CDH12: variants seen among roughly 807,000 people sequenced by gnomAD.
CDH12 encodes the protein cadherin-12.
CDH12 carries 41 observed loss-of-function variants against 74.1 expected under a neutral mutation model. That is an observed-to-expected ratio of 0.55 (90% CI 0.43 to 0.72). The LOEUF (loss-of-function observed/expected upper bound fraction) is 0.72. Ranked by LOEUF, CDH12 falls within the 30% of genes least tolerant of loss-of-function variation. CDH12 has a pLI of 0.00. For synonymous variants in CDH12, 399 were observed against 355.0 expected (o/e 1.12, Z -1.39); for missense variants, 945 against 977.2 (o/e 0.97, Z 0.44).
At chr5:22,213,709 C>T (rs1751680261) in intron 3 of CDH12, 3 of 152,212 alleles carry the variant, frequency 2.0e-5, no homozygotes, top group Non-Finnish European at 4.4e-5. Flanking sequence ...TTTGACAGCT[C>T]TCACTTTTGC....
intron 1 of CDH12, among the ~76,000 whole-genome samples, chr5:22,759,286 C>T (rs1173179049): frequency 2.0e-5 from 3 of 152,076 alleles, no homozygotes; most frequent in East Asian, 3.9e-4. Flanking sequence ...TTATTCTTAC[C>T]TTATTCTTCA....
intron 6 of CDH12, chr5:21,882,691 T>C (rs549048100): frequency 1.3e-6 from 2 of 1,575,030 alleles, no homozygotes; most frequent in Non-Finnish European, 1.7e-6. Flanking sequence ...TTGGTGCAGA[T>C]GCCCGAGCCT....
At chr5:21,795,727 A>G (rs978073451) in intron 10 of CDH12, among the ~76,000 whole-genome samples, 2 of 152,032 alleles carry the variant, frequency 1.3e-5, no homozygotes, top group Admixed American at 1.3e-4. Flanking sequence ...ATACTGCTAT[A>G]GAATGTCACA....
intron 9 of CDH12, among the ~76,000 whole-genome samples, chr5:21,814,869 G>GTCT (rs1747956282): frequency 6.6e-6 from 1 of 151,064 alleles, no homozygotes; most frequent in Non-Finnish European, 1.5e-5. Flanking sequence ...ACCTTCTTAG[G>GTCT]GAAAAAATTA....
rs536463095 is a variant in CDH12, at chr5:22,380,612, G to A, written c.-333+24645C>T. On this transcript the variant is annotated intron_variant, in intron 3 of 14. Transcript: ENST00000382254. ...TAGGCATATATGTTAAAAACTACACGCATTTTCTTAAAACTAAGTTTATTA... is the reference window on the plus strand; with the variant it reads ...TAGGCATATATGTTAAAAACTACACACATTTTCTTAAAACTAAGTTTATTA... 9.9e-5 allele frequency among the ~76,000 whole-genome samples: 15 copies of A among 151,826 alleles called. No homozygotes were observed. The East Asian group carries it at 1.9e-3, about 20-fold the overall frequency.
chr5:21,969,333 G>A (rs1284232798), intron 6 of CDH12, among the ~76,000 whole-genome samples: 3 of 152,082 alleles, frequency 2.0e-5, no homozygotes, highest in East Asian at 1.9e-4. Flanking sequence ...TATAGACAGT[G>A]GTAGGTAGAC....
chr5:22,770,873 A>T (rs563989641), intron 1 of CDH12, among the ~76,000 whole-genome samples: 1 of 152,202 alleles, frequency 6.6e-6, no homozygotes, highest in East Asian at 1.9e-4. Context: ...CCTAAAGCAC[A>T]ATAGTGATAA....
chr5:22,627,560 C>T (rs545246527), intron 1 of CDH12, among the ~76,000 whole-genome samples: 1 of 152,086 alleles, frequency 6.6e-6, no homozygotes, highest in African/African-American at 2.4e-5. Flanking sequence ...GAATTCCTTG[C>T]CACTTTACAA....
intron 3 of CDH12, among the ~76,000 whole-genome samples, chr5:22,340,536 A>AC (rs1386877645): frequency 6.6e-6 from 1 of 151,922 alleles, no homozygotes; most frequent in African/African-American, 2.4e-5. Context: ...AAAAAAAAAA[A>AC]AAAAATCTGT....
chr5:22,492,157 T>A (rs1301528752), intron 2 of CDH12, among the ~76,000 whole-genome samples: 2 of 152,036 alleles, frequency 1.3e-5, no homozygotes, highest in African/African-American at 2.4e-5. Context: ...GAAGCACAGA[T>A]AACAGCGCCC....
At chr5:22,192,295 T>C (rs965017694) in intron 4 of CDH12, among the ~76,000 whole-genome samples, 1 of 152,204 alleles carries the variant, frequency 6.6e-6, no homozygotes, top group South Asian at 2.1e-4. Flanking sequence ...ATAATTAATA[T>C]GTAGTCTGGG....
intron 9 of CDH12, among the ~76,000 whole-genome samples, chr5:21,808,593 G>A (rs529084339): frequency 9.9e-5 from 15 of 152,028 alleles, no homozygotes; most frequent in African/African-American, 2.9e-4. Flanking sequence ...GCTGAACCAG[G>A]ATGCACAGAC....
chr5:22,761,219 C>A (rs1404562058), intron 1 of CDH12, among the ~76,000 whole-genome samples: 1 of 152,168 alleles, frequency 6.6e-6, no homozygotes, highest in East Asian at 1.9e-4. Flanking sequence ...TGCCACCCAG[C>A]TTTTCATGAA....
At chr5:22,562,503 A>T (rs939898248) in intron 1 of CDH12, among the ~76,000 whole-genome samples, 5 of 152,126 alleles carry the variant, frequency 3.3e-5, no homozygotes, top group African/African-American at 1.2e-4. Flanking sequence ...AAATAAATAT[A>T]TGGATTTTCT....
chr5:22,440,403 AT>A (rs1744577892), intron 2 of CDH12, among the ~76,000 whole-genome samples: 1 of 152,140 alleles, frequency 6.6e-6, no homozygotes, highest in Non-Finnish European at 1.5e-5. Context: ...AATAATAGCC[AT>A]AATACCTCTA....
At chr5:22,331,332 G>A (rs544916229) in intron 3 of CDH12, among the ~76,000 whole-genome samples, 32 of 152,210 alleles carry the variant, frequency 2.1e-4, no homozygotes, top group African/African-American at 6.0e-4. Context: ...ACGTGTGCTC[G>A]CATCACCACA....
At chr5:22,423,225 C>T (rs1032358852) in intron 2 of CDH12, among the ~76,000 whole-genome samples, 1 of 117,458 alleles carries the variant, frequency 8.5e-6, no homozygotes, top group African/African-American at 2.9e-5. Context: ...AAAAAAAAAG[C>T]AAATAATACC....
chr5:22,101,315 G>T (rs372474550), intron 4 of CDH12, among the ~76,000 whole-genome samples: 1 of 151,904 alleles, frequency 6.6e-6, no homozygotes, highest in Admixed American at 6.6e-5. Context: ...AAGACTGGTC[G>T]TGTACTCCCG....
intron 5 of CDH12, among the ~76,000 whole-genome samples, chr5:22,009,315 C>T (rs1460182776): frequency 6.6e-6 from 1 of 152,122 alleles, no homozygotes; most frequent in East Asian, 1.9e-4. Flanking sequence ...TCTCTCTGGC[C>T]AACATTAATG....
Sources: gnomAD v4.1 joint callset for allele counts (sites outside exome capture counted in the v4.1 genomes callset) on GRCh38, gnomAD v4.1.1 for gene constraint, MANE v1.5 for transcripts, NCBI Gene and HGNC (gene_info 2026-07-23, HGNC 2026-07-21) for gene names.